Variants in GPHN observed in about 807,000 individuals in gnomAD.
The protein encoded by GPHN is gephyrin.
In GPHN, 17 loss-of-function variants were observed where a neutral mutation model predicts 95.5. That is an observed-to-expected ratio of 0.18 (90% CI 0.12 to 0.27). The LOEUF is 0.27. GPHN is among the 10% of genes least tolerant of loss of function. The pLI is 1.00. For synonymous variants in GPHN, 320 were observed against 322.5 expected, an observed-to-expected ratio of 0.99 and a Z score of 0.08; for missense variants, 660 against 978.1, an observed-to-expected ratio of 0.67 and a Z score of 4.34.
chr14:66,790,616 T>C (rs1203363108), intron 3 of GPHN, among the ~76,000 whole-genome samples: 1 of 152,164 alleles, frequency 6.6e-6, no homozygotes, highest in African/African-American at 2.4e-5. Context: ...TTTTTCAGCA[T>C]GTGGTCTCTG....
intron 17 of GPHN, among the ~76,000 whole-genome samples, chr14:67,127,421 ATATAAGCTAATGAT>A (rs1242266255): frequency 3.3e-5 from 5 of 152,230 alleles, no homozygotes; most frequent in African/African-American, 4.8e-5. Flanking sequence ...TAGATTTATC[ATATAAGCTAATGAT>A]GGAGACTGGA....
intron 3 of GPHN, among the ~76,000 whole-genome samples, chr14:66,782,506 A>G (rs950756784): frequency 2.0e-5 from 3 of 152,160 alleles, no homozygotes; most frequent in African/African-American, 4.8e-5. Flanking sequence ...AAAAATGCCT[A>G]GGCATTATAA....
chr14:67,056,912 C>T (rs550833922), intron 10 of GPHN, among the ~76,000 whole-genome samples: 21 of 152,298 alleles, frequency 1.4e-4, no homozygotes, highest in Middle Eastern at 3.4e-3. Context: ...GCTCGCGGGT[C>T]GGCAATGCTG....
chr14:67,204,940 C>T, the GPHN span: 20 of 1,612,172 alleles, frequency 1.2e-5, no homozygotes, highest in Admixed American at 6.7e-5. Context: ...AAATGAGGTC[C>T]CAGAGGTCCC....
chr14:66,957,803 T>C (rs1395472788), intron 8 of GPHN, among the ~76,000 whole-genome samples: 10 of 152,006 alleles, frequency 6.6e-5, no homozygotes, highest in Non-Finnish European at 1.2e-4. Context: ...CAGTGGGAGG[T>C]GAGCAGCAGC....
Position 66,686,827 on chromosome 14 carries a change from C to A in GPHN, c.143+5642C>A, listed in dbSNP as rs965533351. ...TGAGAGAGGGCATCCCTGTCTTGTG[C>A]CAGTTTTTAAAGAGAATGCTTCCAG... On this transcript the variant is annotated intron_variant, in intron 2 of 22. Transcript: ENST00000478722. Among the ~76,000 whole-genome samples, 11 of 152,208 alleles carry A rather than the reference C, an allele frequency of 7.2e-5. No homozygotes were observed. The East Asian group carries it at 2.1e-3, about 29-fold the overall frequency.
chr14:67,179,820 A>C, intron 22 of GPHN, 146 bp downstream of exon 22: 1 of 638,800 alleles, frequency 1.6e-6, no homozygotes, highest in Middle Eastern at 3.6e-4. Flanking sequence ...TTATTCCTAA[A>C]CAGTATAGCA....
At chr14:66,892,794 A>C (rs1295828987) in intron 5 of GPHN, among the ~76,000 whole-genome samples, 1 of 152,170 alleles carries the variant, frequency 6.6e-6, no homozygotes, top group Non-Finnish European at 1.5e-5. Flanking sequence ...GATGATGAAA[A>C]AGTTCTGGAG....
the GPHN span, chr14:67,503,696 T>C: frequency 6.1e-5 from 9 of 147,850 alleles, no homozygotes; most frequent in Non-Finnish European, 1.2e-4. Flanking sequence ...TTTTAAATTA[T>C]TTTTATTTTT....
At chr14:66,889,140 A>G (rs1034106905) in intron 5 of GPHN, among the ~76,000 whole-genome samples, 1 of 152,144 alleles carries the variant, frequency 6.6e-6, no homozygotes, top group African/African-American at 2.4e-5. Flanking sequence ...ACAGCTATGC[A>G]AGAATAGTTG....
At chr14:67,204,786 G>T in the GPHN span, 1 of 1,613,962 alleles carries the variant, frequency 6.2e-7, no homozygotes, top group Non-Finnish European at 8.5e-7. Flanking sequence ...CAGGCTCCAT[G>T]GATGTGACGG....
chr14:66,761,232 T>A (rs1286022146), intron 2 of GPHN, among the ~76,000 whole-genome samples: 8 of 152,206 alleles, frequency 5.3e-5, no homozygotes, highest in African/African-American at 1.7e-4. Flanking sequence ...TTAATGTAAA[T>A]CATGAAAATT....
the GPHN span, among the ~76,000 whole-genome samples, chr14:67,458,807 G>A: frequency 0.02 from 3,061 of 152,218 alleles, 177 homozygotes; most frequent in South Asian, 0.12. Context: ...CTGCAGCCTC[G>A]ATCTCCTGGG....
In GPHN at chr14:66,670,771, G is replaced by A. The variant is rs142870800; in HGVS notation, c.65-10336G>A. Among the ~76,000 whole-genome samples, 69 of 152,244 alleles carry A rather than the reference G, an allele frequency of 4.5e-4. No individual in the cohort carries two copies. In the Middle Eastern group the frequency reaches 0.01, roughly 23 times the overall value. ...CGCACCACTGCGTTCTAGCCTGGGCGACAGAGCAACACTCCATCTCAAAAA... is the reference window on the plus strand; with the variant it reads ...CGCACCACTGCGTTCTAGCCTGGGCAACAGAGCAACACTCCATCTCAAAAA... On this transcript the variant is annotated intron_variant, in intron 1 of 22. Coordinates refer to ENST00000478722, the MANE Select transcript of GPHN (RefSeq NM_020806.5).
At chr14:67,504,442 C>G in the GPHN span, among the ~76,000 whole-genome samples, 1 of 152,190 alleles carries the variant, frequency 6.6e-6, no homozygotes, top group East Asian at 1.9e-4. Flanking sequence ...GTTGTTGTCA[C>G]TAACCTTTTC....
At chr14:67,579,948 C>A in the GPHN span, 2 of 1,389,892 alleles carry the variant, frequency 1.4e-6, no homozygotes, top group Non-Finnish European at 2.0e-6. Flanking sequence ...AAGAGCCCAT[C>A]TGATGGGTGT....
chr14:66,939,144 C>A (rs2067272627), intron 8 of GPHN, among the ~76,000 whole-genome samples: 1 of 152,110 alleles, frequency 6.6e-6, no homozygotes, highest in African/African-American at 2.4e-5. Flanking sequence ...GACATGACAC[C>A]AAAGGCACTG....
chr14:66,900,090 GTC>G (rs1567077900), intron 5 of GPHN, among the ~76,000 whole-genome samples: 1 of 151,858 alleles, frequency 6.6e-6, no homozygotes, highest in African/African-American at 2.4e-5. Context: ...CGTCTTGAGA[GTC>G]TGTATTAATA....
At chr14:67,457,847 C>G in the GPHN span, among the ~76,000 whole-genome samples, 1 of 152,220 alleles carries the variant, frequency 6.6e-6, no homozygotes, top group African/African-American at 2.4e-5. Flanking sequence ...GCTGTTGTCT[C>G]TTATTAGTAA....
Sources: allele counts gnomAD v4.1 joint callset (sites outside exome capture counted in the v4.1 genomes callset), GRCh38; gene constraint gnomAD v4.1.1; transcripts MANE v1.5; gene names NCBI Gene and HGNC (gene_info 2026-07-23, HGNC 2026-07-21).